LOXL1: variants seen among roughly 807,000 people sequenced by gnomAD.
LOXL1 encodes the protein lysyl oxidase homolog 1.
In LOXL1, 31 loss-of-function variants were observed where a neutral mutation model predicts 62.2. That is an observed-to-expected ratio of 0.50 (90% confidence interval 0.37 to 0.67). The LOEUF is 0.67. Among genes scored for constraint, LOXL1 ranks in the 30% least tolerant of loss-of-function variants. LOXL1 has a pLI of 0.00. For synonymous variants in LOXL1, 403 were observed against 384.4 expected (o/e 1.05, Z -0.56); for missense variants, 775 against 843.4 (o/e 0.92, Z 1.00).
In LOXL1 at chr15:73,947,101, G is replaced by A. The variant is rs147320272; in HGVS notation, c.1384G>A (p.Asp462Asn). ...YHSMDEFSHY[D>N]LLDAATGKKV... Reference sequence around the variant, plus strand: ...CAGCATGGACGAGTTCAGCCACTACGACCTACTGGATGCAGCCACAGGCAA... The same window carrying A: ...CAGCATGGACGAGTTCAGCCACTACAACCTACTGGATGCAGCCACAGGCAA... Residue 462 changes from aspartate (D) to asparagine (N), a missense_variant, in exon 4 of 7, where the codon GAC becomes AAC. Coordinates refer to ENST00000261921, the MANE Select transcript of LOXL1 (RefSeq NM_005576.4). The A allele has an allele frequency of 2.8e-5, 45 of 1,612,780 alleles. No homozygotes were observed. The highest frequency in any genetic ancestry group is 1.2e-4 in the South Asian group (11 of 90,954).
chr15:73,932,958 G>C (rs749798760), intron 1 of LOXL1, among the ~76,000 whole-genome samples: 13 of 152,184 alleles, frequency 8.5e-5, no homozygotes, highest in Non-Finnish European at 1.6e-4. Context: ...ATCAGTGTCT[G>C]AACAAACAAG....
chr15:73,934,453 G>C (rs1216523165), intron 1 of LOXL1, among the ~76,000 whole-genome samples: 1 of 152,160 alleles, frequency 6.6e-6, no homozygotes, highest in East Asian at 1.9e-4. Flanking sequence ...GTCTGTCTTT[G>C]CCAGCTCTCA....
chr15:73,938,884 G>C lies in LOXL1; in HGVS notation c.1103-3970G>C, dbSNP rs189659389. ...CAACAGAGCAAGACCCTGTCTCAAA[G>C]AAAAAAGAAAAGGTGGAGGTGGCGT... is the stretch of plus-strand genomic sequence containing the variant. On this transcript the variant is annotated intron_variant, in intron 1 of 6. Transcript: ENST00000261921. Among the ~76,000 whole-genome samples the C allele has an allele frequency of 9.3e-4, 141 of 152,140 alleles. 3 individuals are homozygous for C. The highest frequency in any genetic ancestry group is 6.8e-3 in the Middle Eastern group (2 of 294).
chr15:73,929,992 C>A (rs538927156), intron 1 of LOXL1, among the ~76,000 whole-genome samples: 1 of 152,324 alleles, frequency 6.6e-6, no homozygotes, highest in South Asian at 2.1e-4. Flanking sequence ...AAGGCCATGT[C>A]TGAAGTGGGG....
At chr15:73,942,267 C>A (rs2068719272) in intron 1 of LOXL1, among the ~76,000 whole-genome samples, 1 of 152,030 alleles carries the variant, frequency 6.6e-6, no homozygotes, top group Non-Finnish European at 1.5e-5. Context: ...TTCCTTCTAG[C>A]CCATCCCTTC....
chr15:73,937,313 C>T (rs561860907), intron 1 of LOXL1, among the ~76,000 whole-genome samples: 7 of 152,324 alleles, frequency 4.6e-5, no homozygotes, highest in Non-Finnish European at 1.0e-4. Context: ...GGATATAGAA[C>T]ATTGGTTCTG....
intron 2 of LOXL1, among the ~76,000 whole-genome samples, chr15:73,944,962 G>A (rs79975227): frequency 2.0e-4 from 30 of 152,282 alleles, no homozygotes; most frequent in African/African-American, 4.8e-4. Flanking sequence ...CCTTAGGATC[G>A]GACCTTAATG....
intron 1 of LOXL1, among the ~76,000 whole-genome samples, chr15:73,929,421 G>A (rs2068620181): frequency 6.6e-6 from 1 of 152,218 alleles, no homozygotes; most frequent in Non-Finnish European, 1.5e-5. Context: ...CAGCCAAGCT[G>A]ACCTCAGTGA....
At chr15:73,938,315 C>CTATCTATCTATCTAGATAGA (rs748345626) in intron 1 of LOXL1, among the ~76,000 whole-genome samples, 5 of 140,208 alleles carry the variant, frequency 3.6e-5, no homozygotes, top group South Asian at 2.1e-4. Context: ...ATCTATCTAT[C>CTATCTATCTATCTAGATAGA]TAGGTAGATA....
At chr15:73,935,751 G>A (rs1400845822) in intron 1 of LOXL1, among the ~76,000 whole-genome samples, 2 of 152,196 alleles carry the variant, frequency 1.3e-5, no homozygotes, top group African/African-American at 2.4e-5. Context: ...GGCAGCTGGC[G>A]CAATCAAGCA....
chr15:73,932,371 G>A (rs2068640923), intron 1 of LOXL1, among the ~76,000 whole-genome samples: 1 of 152,098 alleles, frequency 6.6e-6, no homozygotes, highest in South Asian at 2.1e-4. Flanking sequence ...TCTCTATCCT[G>A]AGTTCTTAAC....
chr15:73,947,700 CA>C, intron 4 of LOXL1, 106 bp from the exon 5 acceptor site: 2 of 778,254 alleles, frequency 2.6e-6, no homozygotes, highest in South Asian at 3.2e-5. Context: ...GGGCCAGGGT[CA>C]GGGGAGAAAC....
In LOXL1 at chr15:73,936,261, G is replaced by A. The variant is rs143653211; in HGVS notation, c.1103-6593G>A. On this transcript the variant is annotated intron_variant, in intron 1 of 6. Coordinates refer to ENST00000261921, the MANE Select transcript of LOXL1 (RefSeq NM_005576.4). ...TTACATCTTCATTATGGGGCAAAGT[G>A]GAATCTGCAGCCACCTTGCCTGCCT... Among the ~76,000 whole-genome samples the A allele has an allele frequency of 3.1e-3, 474 of 152,228 alleles. 3 individuals carry two copies. The highest frequency in any genetic ancestry group is 0.027 in the Middle Eastern group (8 of 294).
At chr15:73,935,869 G>A (rs1280843018) in intron 1 of LOXL1, among the ~76,000 whole-genome samples, 6 of 151,766 alleles carry the variant, frequency 4.0e-5, no homozygotes, top group Non-Finnish European at 8.8e-5. Context: ...GTGGTGGAGG[G>A]GTGTTCAGGA....
chr15:73,928,862 C>A (rs1319120012), intron 1 of LOXL1, among the ~76,000 whole-genome samples: 2 of 134,936 alleles, frequency 1.5e-5, no homozygotes, highest in African/African-American at 2.8e-5. Context: ...AAATTTTGCA[C>A]CCCGAGGAAA....
chr15:73,943,611 T>C (rs919088318), intron 2 of LOXL1, among the ~76,000 whole-genome samples: 4 of 151,410 alleles, frequency 2.6e-5, no homozygotes, highest in Non-Finnish European at 5.9e-5. Flanking sequence ...TCATGGGTGA[T>C]CCTGCCTCTC....
chr15:73,927,214 C>A lies in LOXL1; in HGVS notation c.431C>A (p.Thr144Asn). The A allele has an allele frequency of 6.3e-7, 1 of 1,595,012 alleles. No homozygotes were observed. The highest frequency in any genetic ancestry group is 8.5e-7 in the Non-Finnish European group (1 of 1,175,996). Residue 144 changes from threonine (T) to asparagine (N), a missense_variant, in exon 1 of 7, where the codon ACC becomes AAC. Transcript: ENST00000261921. ...AGCACGGGCATGGCCCGGGCCCGCACCTCCGTCTCCCAGCAACGGCACGGG... is the reference window on the plus strand; with the variant it reads ...AGCACGGGCATGGCCCGGGCCCGCAACTCCGTCTCCCAGCAACGGCACGGG... ...GDSTGMARAR[T>N]SVSQQRHGGS...
At position 73,927,156 on chromosome 15, in the gene LOXL1, C is replaced by G; in HGVS notation, c.373C>G (p.Pro125Ala). The change falls in exon 1 of 7, where the codon CCC becomes GCC. Residue 125 changes from proline (P) to alanine (A), a missense_variant. Pro to Ala is a conservative substitution (Grantham distance 27). Coordinates refer to ENST00000261921, the MANE Select transcript of LOXL1 (RefSeq NM_005576.4). ...GCACCCATTCGGCTTTGGCCAGGTG[C>G]CCGACAACTGGCGCGAGGTGGCCGT... is the stretch of plus-strand genomic sequence containing the variant. ...ARHPFGFGQVPDNWREVAVGD... is the reference protein window; with the variant it reads ...ARHPFGFGQVADNWREVAVGD... 1 of 1,521,458 alleles carries G rather than the reference C, an allele frequency of 6.6e-7. No individual in the cohort carries two copies. The highest frequency in any genetic ancestry group is 1.2e-5 in the South Asian group (1 of 81,768). 94.2% of individuals were successfully genotyped at this position (1,521,458 alleles called of 1,614,324 possible). A position where few individuals can be genotyped will look rare whatever the true frequency, so the allele number is the denominator to read the frequency against.
Position 73,942,929 on chromosome 15 carries a change from T to C in LOXL1, c.1178T>C (p.Leu393Pro). The C allele has an allele frequency of 6.2e-7, 1 of 1,614,038 alleles. No homozygotes were observed. Among genetic ancestry groups the C allele is most frequent in the Non-Finnish European group, 8.5e-7 (1 of 1,179,902 alleles). ...GTGCAGAGAGCCCACCTGTACTCCCTGCGCTGTGCTGCGGAGGAGAAGTGT... is the reference window on the plus strand; with the variant it reads ...GTGCAGAGAGCCCACCTGTACTCCCCGCGCTGTGCTGCGGAGGAGAAGTGT... ...TYVQRAHLYS[L>P]RCAAEEKCLA... Residue 393 changes from leucine to proline, a missense_variant, in exon 2 of 7, where the codon CTG (leucine) becomes CCG (proline). Leu to Pro is a moderately conservative substitution (Grantham distance 98). Coordinates refer to ENST00000261921, the MANE Select transcript of LOXL1 (RefSeq NM_005576.4).
Sources: allele counts gnomAD v4.1 joint callset (sites outside exome capture counted in the v4.1 genomes callset), GRCh38; gene constraint gnomAD v4.1.1; transcripts MANE v1.5; gene names NCBI Gene and HGNC (gene_info 2026-07-23, HGNC 2026-07-21).